Variants in SGCZ observed in about 807,000 individuals in gnomAD.
The protein encoded by SGCZ is zeta-sarcoglycan.
Under a neutral mutation model 41.3 loss-of-function variants are expected in SGCZ, and 40 were observed. The observed-to-expected ratio is 0.97, with a 90% CI of 0.75 to 1.26. The LOEUF (loss-of-function observed/expected upper bound fraction) is 1.26, where lower values mean the gene tolerates loss of function less well. Among genes scored for constraint, SGCZ ranks in the 50% most tolerant of loss-of-function variants. The pLI is 0.00. For synonymous variants in SGCZ, 206 were observed against 137.5 expected (o/e 1.50, Z -3.49); for missense variants, 552 against 369.8 (o/e 1.49, Z -4.04).
chr8:15,135,185 C>T (rs926349642), intron 1 of SGCZ, among the ~76,000 whole-genome samples: 1 of 152,114 alleles, frequency 6.6e-6, no homozygotes, highest in African/African-American at 2.4e-5. Context: ...TTCAGTTCAC[C>T]ATTTATTTTT....
At chr8:14,101,064 T>G (rs1205933607) in intron 7 of SGCZ, among the ~76,000 whole-genome samples, 2 of 151,790 alleles carry the variant, frequency 1.3e-5, no homozygotes, top group African/African-American at 4.8e-5. Flanking sequence ...GCATTTAAAA[T>G]AACTAAGGTA....
At chr8:15,043,299 T>A (rs1237647411) in intron 1 of SGCZ, among the ~76,000 whole-genome samples, 2 of 152,210 alleles carry the variant, frequency 1.3e-5, no homozygotes, top group African/African-American at 2.4e-5. Context: ...CAACATTGGT[T>A]TGACATGGAT....
intron 2 of SGCZ, among the ~76,000 whole-genome samples, chr8:14,538,574 T>A (rs756932629): frequency 2.0e-5 from 3 of 152,116 alleles, no homozygotes; most frequent in South Asian, 2.1e-4. Context: ...ATACTTTCTA[T>A]GGAGAAAGTG....
intron 3 of SGCZ, among the ~76,000 whole-genome samples, chr8:14,272,710 A>G (rs1212263425): frequency 6.6e-6 from 1 of 152,162 alleles, no homozygotes; most frequent in Non-Finnish European, 1.5e-5. Flanking sequence ...TTAGTAGGGA[A>G]TGACTCTAAG....
At chr8:14,199,389 T>A (rs1308658950) in intron 4 of SGCZ, among the ~76,000 whole-genome samples, 1 of 152,184 alleles carries the variant, frequency 6.6e-6, no homozygotes, top group Non-Finnish European at 1.5e-5. Context: ...ATGTTATCAA[T>A]GACAATGCAT....
rs1199515127 is a variant in SGCZ, at chr8:14,719,139, T to C, written c.40-164213A>G. ...TGTTCTTGCTATAGTTTACTGAGAA[T>C]GATGATTTCCAGTTTCATCCATGTC... On this transcript the variant is annotated intron_variant, in intron 1 of 7. Transcript: ENST00000382080. Among the ~76,000 whole-genome samples the C allele has an allele frequency of 2.0e-5, 3 of 151,158 alleles. No individual in the cohort carries two copies. The East Asian group carries it at 5.9e-4, about 30-fold the overall frequency.
chr8:14,919,070 C>T (rs541439045), intron 1 of SGCZ, among the ~76,000 whole-genome samples: 9 of 152,044 alleles, frequency 5.9e-5, no homozygotes, highest in African/African-American at 1.9e-4. Context: ...TTTTAAGATG[C>T]GTTGATTCAA....
intron 1 of SGCZ, among the ~76,000 whole-genome samples, chr8:14,584,808 C>T (rs965944379): frequency 2.0e-5 from 3 of 151,956 alleles, no homozygotes; most frequent in South Asian, 2.1e-4. Context: ...TAGGAAATAG[C>T]ACATACAGTA....
rs151231518 is a variant in SGCZ at position 14,430,342 on chromosome 8, T to G, written c.235-106138A>C. 2.3e-4 allele frequency among the ~76,000 whole-genome samples: 35 copies of G among 152,226 alleles called. 1 individual carries two copies. In the South Asian group the frequency reaches 5.2e-3, roughly 22 times the overall value. On this transcript the variant is annotated intron_variant, in intron 2 of 7. Coordinates refer to ENST00000382080, the MANE Select transcript of SGCZ (RefSeq NM_139167.4). ...TCCAACAACATATCAAAAAGATAAT[T>G]CACCATAATCAAGTGGGTTTCATAC...
At chr8:14,684,625 T>C (rs1247149336) in intron 1 of SGCZ, among the ~76,000 whole-genome samples, 1 of 152,082 alleles carries the variant, frequency 6.6e-6, no homozygotes, top group Non-Finnish European at 1.5e-5. Context: ...AAAATAGCTT[T>C]AAAAAGTTCA....
chr8:14,515,697 T>C (rs906487075), intron 2 of SGCZ, among the ~76,000 whole-genome samples: 8 of 152,136 alleles, frequency 5.3e-5, no homozygotes, highest in African/African-American at 1.9e-4. Context: ...TGTCGTGCTT[T>C]AAAATATTGA....
At chr8:14,904,901 C>A (rs570922210) in intron 1 of SGCZ, among the ~76,000 whole-genome samples, 21 of 151,826 alleles carry the variant, frequency 1.4e-4, no homozygotes, top group African/African-American at 4.3e-4. Flanking sequence ...TATCTTTCAA[C>A]TCTCCTCCTA....
chr8:14,241,556 A>C (rs951637631), intron 3 of SGCZ, among the ~76,000 whole-genome samples: 2 of 150,428 alleles, frequency 1.3e-5, no homozygotes, highest in African/African-American at 4.9e-5. Context: ...TTTTTTTGGA[A>C]AAAGAAAATC....
chr8:14,092,340 T>C (rs182021219), intron 7 of SGCZ, among the ~76,000 whole-genome samples: 2 of 152,222 alleles, frequency 1.3e-5, no homozygotes, highest in Admixed American at 1.3e-4. Flanking sequence ...AGTAGTTTTT[T>C]CCAGTTGTGT....
intron 1 of SGCZ, among the ~76,000 whole-genome samples, chr8:14,659,086 A>G (rs951879285): frequency 2.0e-5 from 3 of 152,164 alleles, no homozygotes; most frequent in Non-Finnish European, 1.5e-5. Context: ...AAATACTCAC[A>G]GAGTTACTTT....
chr8:14,141,200 AC>A (rs1259360537), intron 5 of SGCZ, among the ~76,000 whole-genome samples: 2 of 152,216 alleles, frequency 1.3e-5, no homozygotes, highest in East Asian at 3.8e-4. Context: ...CAAATGTTAG[AC>A]CTAAAACCAT....
At chr8:15,152,237 A>C (rs1799196367) in intron 1 of SGCZ, among the ~76,000 whole-genome samples, 2 of 152,184 alleles carry the variant, frequency 1.3e-5, no homozygotes, top group South Asian at 4.1e-4. Context: ...CTTTACTAAG[A>C]CTGGAAGAAC....
In SGCZ at chr8:14,620,546, A is replaced by G. The variant is rs1585130981; in HGVS notation, c.40-65620T>C. On this transcript the variant is annotated intron_variant, in intron 1 of 7. Coordinates refer to ENST00000382080, the MANE Select transcript of SGCZ (RefSeq NM_139167.4). ...AATTTTTGCAACCTACTTATCTGAC[A>G]AAGGGCTAATATCCAGAATCTACGA... Among the ~76,000 whole-genome samples, 3 of 152,138 alleles carry G rather than the reference A, an allele frequency of 2.0e-5. No homozygotes were observed. In the South Asian group the frequency reaches 6.2e-4, roughly 32 times the overall value.
rs141426945 is a variant in SGCZ at position 14,519,423 on chromosome 8, A to C, written c.234+35309T>G. ...AAAAAATGAAAAATGTATTACTGAC[A>C]TATTTCTAATTAACTCTCTACTTTT... On this transcript the variant is annotated intron_variant, in intron 2 of 7. Coordinates refer to ENST00000382080, the MANE Select transcript of SGCZ (RefSeq NM_139167.4). 1.1e-4 allele frequency among the ~76,000 whole-genome samples: 17 copies of C among 152,276 alleles called. 1 individual carries two copies. The highest frequency in any genetic ancestry group is 4.1e-4 in the African/African-American group (17 of 41,574).
Sources: allele counts gnomAD v4.1 joint callset (sites outside exome capture counted in the v4.1 genomes callset), GRCh38; gene constraint gnomAD v4.1.1; transcripts MANE v1.5; gene names NCBI Gene and HGNC (gene_info 2026-07-23, HGNC 2026-07-21).